The following USH2A variants were observed in gnomAD, a reference collection of about 807,000 sequenced individuals.
USH2A encodes the protein Usher syndrome 2A (autosomal recessive, mild).
Under a neutral mutation model 538.9 loss-of-function variants are expected in USH2A, and 443 were observed. The observed-to-expected ratio is 0.82, with a 90% confidence interval of 0.76 to 0.89. The LOEUF (loss-of-function observed/expected upper bound fraction) is 0.89. Among genes scored for constraint, USH2A ranks in the 40% least tolerant of loss-of-function variants. The probability of loss-of-function intolerance (pLI) is 0.00; values close to 1 mark genes in which losing one functional copy is unlikely to be tolerated. For synonymous variants in USH2A, 2,413 were observed against 2,273.5 expected (o/e 1.06, Z -1.75); for missense variants, 6,633 against 6,324.8 (o/e 1.05, Z -1.65).
At chr1:215,779,718 T>G in intron 55 of USH2A, 125 bp downstream of exon 55, 1 of 1,156,220 alleles carries the variant, frequency 8.6e-7, no homozygotes, top group Admixed American at 2.0e-5. Flanking sequence ...CCTGACCATA[T>G]GTCAAGAGAA....
Position 215,646,811 on chromosome 1 carries a change from G to A in USH2A, c.14791+711C>T, listed in dbSNP as rs377413071. Among the ~76,000 whole-genome samples the A allele has an allele frequency of 1.7e-3, 262 of 152,310 alleles. 2 individuals carry two copies. In the South Asian group the frequency reaches 0.021, roughly 12 times the overall value. On this transcript the variant is annotated intron_variant, in intron 67 of 71. Coordinates refer to ENST00000307340, the MANE Select transcript of USH2A (RefSeq NM_206933.4). ...CAAAGTGCTGGGATTACAGGCGTGAGCCACTGTGCCTGGCCCTCTTATCTT... is the reference window on the plus strand; with the variant it reads ...CAAAGTGCTGGGATTACAGGCGTGAACCACTGTGCCTGGCCCTCTTATCTT...
chr1:215,719,729 T>G (rs566542359), intron 61 of USH2A, among the ~76,000 whole-genome samples: 3 of 152,264 alleles, frequency 2.0e-5, no homozygotes, highest in Non-Finnish European at 4.4e-5. Context: ...AGCAGCCCTA[T>G]GAGATAAGCA....
chr1:215,657,927 AT>A (rs59977028), intron 64 of USH2A, among the ~76,000 whole-genome samples: 76,538 of 97,674 alleles, frequency 0.78, 29,287 homozygotes, highest in East Asian at 0.88. Context: ...ATTTGCCCTG[AT>A]TTTTTTTTTT....
Position 216,015,125 on chromosome 1 carries a change from C to G in USH2A, c.6326-14563G>C, listed in dbSNP as rs562190607. Among the ~76,000 whole-genome samples, 7 of 152,280 alleles carry G rather than the reference C, an allele frequency of 4.6e-5. No individual in the cohort carries two copies. The East Asian group carries it at 1.4e-3, about 29-fold the overall frequency. ...TCTGTGCAACCTTCCCACAAATCATCAATTAGATGTTTAAAAATTTTAGAG... is the reference window on the plus strand; with the variant it reads ...TCTGTGCAACCTTCCCACAAATCATGAATTAGATGTTTAAAAATTTTAGAG... On this transcript the variant is annotated intron_variant, in intron 32 of 71. Transcript: ENST00000307340.
intron 30 of USH2A, among the ~76,000 whole-genome samples, chr1:216,066,921 T>C (rs949643782): frequency 2.6e-5 from 4 of 152,236 alleles, no homozygotes; most frequent in African/African-American, 9.6e-5. Context: ...TTCAAGACTA[T>C]ACAATGTCTT....
Position 216,371,109 on chromosome 1 carries a change from T to C in USH2A, c.652-6024A>G, listed in dbSNP as rs533045631. ...TTTCTCTCTGAACAGCTTTTACTATTATATGTAATTATTATAAATGATTGA... is the reference window on the plus strand; with the variant it reads ...TTTCTCTCTGAACAGCTTTTACTATCATATGTAATTATTATAAATGATTGA... On this transcript the variant is annotated intron_variant, in intron 3 of 71. Transcript: ENST00000307340. Among the ~76,000 whole-genome samples, 221 of 152,336 alleles carry C rather than the reference T, an allele frequency of 1.5e-3. 1 individual carries two copies. The highest frequency in any genetic ancestry group is 6.8e-3 in the Middle Eastern group (2 of 294).
chr1:216,313,136 T>C (rs1018695939), intron 9 of USH2A, among the ~76,000 whole-genome samples: 2 of 152,164 alleles, frequency 1.3e-5, no homozygotes, highest in Admixed American at 6.5e-5. Context: ...GTGCACAACC[T>C]AAATCCCTCA....
intron 1 of USH2A, among the ~76,000 whole-genome samples, chr1:216,422,760 G>A (rs531560551): frequency 6.5e-4 from 98 of 151,850 alleles, no homozygotes; most frequent in African/African-American, 2.2e-3. Context: ...AGGACAACCA[G>A]TAATATTTAT....
chr1:215,970,570 A>G, intron 36 of USH2A, 55 bp downstream of exon 36: 1 of 1,610,130 alleles, frequency 6.2e-7, no homozygotes. Context: ...CTTCCTTAAT[A>G]TTCAGTGTCA....
At chr1:215,881,054 A>C (rs1664892092) in intron 41 of USH2A, among the ~76,000 whole-genome samples, 1 of 152,178 alleles carries the variant, frequency 6.6e-6, no homozygotes, top group Admixed American at 6.5e-5. Context: ...TGCACTGAGC[A>C]GAGATTGCAC....
chr1:215,946,658 C>A (rs574573230), intron 37 of USH2A, among the ~76,000 whole-genome samples: 5 of 152,282 alleles, frequency 3.3e-5, no homozygotes, highest in African/African-American at 9.6e-5. Flanking sequence ...TGTTCTAAAC[C>A]TTTGCTGTCC....
In USH2A at chr1:215,878,929, C is replaced by A; in HGVS notation, c.8393G>T (p.Gly2798Val). 1 of 1,613,936 alleles carries A rather than the reference C, an allele frequency of 6.2e-7. No homozygotes were observed. The highest frequency in any genetic ancestry group is 1.1e-5 in the South Asian group (1 of 91,072). Residue 2798 changes from glycine to valine, a missense_variant, in exon 42 of 72, where the codon GGG (glycine) becomes GTG (valine). Gly to Val is a moderately radical substitution (Grantham distance 109). Transcript: ENST00000307340. ...GCACCCTCCAAGGTACCCATTACCC[C>A]CTGAGCAAGCAACAATGGTGACAGA... is the stretch of plus-strand genomic sequence containing the variant. ...NYSVTIVACS[G>V]GNGYLGGCTE...
chr1:215,791,840 G>A (rs544275758), intron 50 of USH2A, among the ~76,000 whole-genome samples: 29 of 152,236 alleles, frequency 1.9e-4, no homozygotes, highest in African/African-American at 7.0e-4. Flanking sequence ...GTATGCATAT[G>A]TATGTGTATA....
rs532843263 is a variant in USH2A at position 215,815,134 on chromosome 1, T to G, written c.9571-1230A>C. Among the ~76,000 whole-genome samples the G allele has an allele frequency of 2.6e-5, 4 of 152,262 alleles. No homozygotes were observed. In the South Asian group the frequency reaches 8.3e-4, roughly 32 times the overall value. ...AACTTTACAATTTTTTTTTTGAAAT[T>G]TAACTGACATCCTTTATTCTCTTTT... On this transcript the variant is annotated intron_variant, in intron 48 of 71. Transcript: ENST00000307340.
At chr1:216,242,549 A>G (rs2035959752) in intron 13 of USH2A, among the ~76,000 whole-genome samples, 1 of 151,966 alleles carries the variant, frequency 6.6e-6, no homozygotes, top group Non-Finnish European at 1.5e-5. Context: ...CAAAAGAGAA[A>G]AACAGAAAAA....
At chr1:215,772,193 A>G (rs1661311291) in intron 55 of USH2A, among the ~76,000 whole-genome samples, 1 of 152,226 alleles carries the variant, frequency 6.6e-6, no homozygotes, top group Non-Finnish European at 1.5e-5. Context: ...AGGGCACACC[A>G]ATTGAAAACT....
chr1:216,419,903 A>G (rs1287734300), intron 2 of USH2A, among the ~76,000 whole-genome samples: 8 of 151,930 alleles, frequency 5.3e-5, no homozygotes, highest in African/African-American at 1.7e-4. Flanking sequence ...AAGATTGTAA[A>G]ACACTAATAG....
intron 61 of USH2A, among the ~76,000 whole-genome samples, chr1:215,689,393 T>A (rs1658529757): frequency 6.6e-6 from 1 of 152,198 alleles, no homozygotes. Context: ...TTGTATTATG[T>A]CAGATTGGTT....
intron 32 of USH2A, among the ~76,000 whole-genome samples, chr1:216,010,831 C>G (rs1251755019): frequency 6.6e-6 from 1 of 151,860 alleles, no homozygotes; most frequent in African/African-American, 2.4e-5. Context: ...TCATTGCTGC[C>G]CCTCTTCCCA....
Sources: gnomAD v4.1 joint callset for allele counts (sites outside exome capture counted in the v4.1 genomes callset) on GRCh38, gnomAD v4.1.1 for gene constraint, MANE v1.5 for transcripts, NCBI Gene and HGNC (gene_info 2026-07-23, HGNC 2026-07-21) for gene names.